Variants in MTSS1 observed in about 807,000 individuals in gnomAD.
MTSS1 encodes MTSS I-BAR domain containing 1.
Under a neutral mutation model 79.0 loss-of-function variants are expected in MTSS1, and 18 were observed. The observed-to-expected ratio is 0.23, with a 90% CI of 0.16 to 0.34. The LOEUF (loss-of-function observed/expected upper bound fraction) is 0.34. Ranked by LOEUF, MTSS1 falls within the 10% of genes least tolerant of loss-of-function variation. The pLI is 1.00. For missense variants in MTSS1, 815 were observed against 986.2 expected, an observed-to-expected ratio of 0.83 and a Z score of 2.33; for synonymous variants, 341 against 368.6, an observed-to-expected ratio of 0.93 and a Z score of 0.86.
intron 3 of MTSS1, chr8:124,699,011 A>G (rs1358833917): frequency 2.6e-5 from 4 of 153,838 alleles, no homozygotes; most frequent in Non-Finnish European, 5.8e-5. Context: ...GGCTTCAGAC[A>G]TGAATAAGTC....
intron 3 of MTSS1, among the ~76,000 whole-genome samples, chr8:124,620,037 C>T (rs551160552): frequency 6.6e-6 from 1 of 152,108 alleles, no homozygotes; most frequent in African/African-American, 2.4e-5. Flanking sequence ...CTGCAACCTC[C>T]GCCTCCCGGG....
chr8:124,688,722 GCTGTGTCCTCCTTGAACTCCCTCACC>G (rs1827439683), intron 3 of MTSS1, among the ~76,000 whole-genome samples: 1 of 152,040 alleles, frequency 6.6e-6, no homozygotes, highest in South Asian at 2.1e-4. Flanking sequence ...CACAACCTAT[GCTGTGTCCTCCTTGAACTCCCTCACC>G]ATGAAACCAA....
At chr8:124,688,050 C>T (rs144090253) in intron 3 of MTSS1, among the ~76,000 whole-genome samples, 1 of 152,230 alleles carries the variant, frequency 6.6e-6, no homozygotes, top group Non-Finnish European at 1.5e-5. Context: ...TGGGCCCTAG[C>T]ACACACAGCA....
chr8:124,598,823 T>A (rs929731230), intron 3 of MTSS1, among the ~76,000 whole-genome samples: 1 of 152,098 alleles, frequency 6.6e-6, no homozygotes, highest in Non-Finnish European at 1.5e-5. Flanking sequence ...AATACCCAAA[T>A]AACTAGGAGA....
intron 3 of MTSS1, among the ~76,000 whole-genome samples, chr8:124,659,727 C>T (rs1285565631): frequency 1.3e-5 from 2 of 152,192 alleles, no homozygotes; most frequent in Non-Finnish European, 2.9e-5. Context: ...ATCCTGGATT[C>T]TCTACTCAAG....
chr8:124,600,138 T>C (rs1833543574), intron 3 of MTSS1, among the ~76,000 whole-genome samples: 1 of 152,186 alleles, frequency 6.6e-6, no homozygotes, highest in Admixed American at 6.5e-5. Context: ...ATCTGTGATT[T>C]CCATGTCGGG....
At chr8:124,602,207 A>ATACACACACATATATATATATATAT in intron 3 of MTSS1, among the ~76,000 whole-genome samples, 1 of 142,222 alleles carries the variant, frequency 7.0e-6, no homozygotes, top group African/African-American at 2.7e-5. Flanking sequence ...ATATATATAT[A>ATACACACACATATATATATATATAT]ATTTTTTTTT....
chr8:124,697,091 A>G (rs1278542084), intron 3 of MTSS1, among the ~76,000 whole-genome samples: 1 of 152,134 alleles, frequency 6.6e-6, no homozygotes, highest in Non-Finnish European at 1.5e-5. Context: ...TCAGAATCCC[A>G]GGTTCCCACT....
rs571997365 is a variant in MTSS1, at chr8:124,628,300, C to T, written c.209-37065G>A. 2.0e-5 allele frequency among the ~76,000 whole-genome samples: 3 copies of T among 152,288 alleles called. No individual in the cohort carries two copies. The East Asian group carries it at 5.8e-4, about 29-fold the overall frequency. On this transcript the variant is annotated intron_variant, in intron 3 of 13. Coordinates refer to ENST00000518547, the MANE Select transcript of MTSS1 (RefSeq NM_014751.6). ...GCTGCGAGTCTGAGCTCCAAGACAT[C>T]AGCCGCGTCAGTCTTATCATCCGAC...
At position 124,591,241 on chromosome 8, in the gene MTSS1, A is replaced by G; in HGVS notation, c.209-6T>C. ...TCCAATCTCCCTGGTCCCACCTGAA[A>G]AAGCAACAGAGGCAAAGGTGAGGGA... is the stretch of plus-strand genomic sequence containing the variant. On this transcript the variant is annotated splice_polypyrimidine_tract_variant and splice_region_variant and intron_variant, in intron 3 of 13. Coordinates refer to ENST00000518547, the MANE Select transcript of MTSS1 (RefSeq NM_014751.6). 1 of 1,613,488 alleles carries G rather than the reference A, an allele frequency of 6.2e-7. No individual in the cohort carries two copies. The highest frequency in any genetic ancestry group is 1.3e-5 in the African/African-American group (1 of 74,922).
chr8:124,666,025 T>G (rs1422068914), intron 3 of MTSS1, among the ~76,000 whole-genome samples: 1 of 152,222 alleles, frequency 6.6e-6, no homozygotes, highest in Non-Finnish European at 1.5e-5. Flanking sequence ...TTCACAAAGC[T>G]GTTGTGAGAA....
intron 12 of MTSS1, 69 bp from the exon 13 acceptor site, chr8:124,555,973 C>G (rs761517636): frequency 6.3e-7 from 1 of 1,577,996 alleles, no homozygotes; most frequent in Admixed American, 1.8e-5. Context: ...CCTGTTCTGC[C>G]CCCGTGAGCA....
chr8:124,579,945 G>C (rs1829714811), intron 6 of MTSS1: 1 of 152,450 alleles, frequency 6.6e-6, no homozygotes, highest in Non-Finnish European at 1.5e-5. Flanking sequence ...TCAACATTCA[G>C]TCAAGAAGAA....
chr8:124,585,038 C>T, intron 6 of MTSS1, 49 bp downstream of exon 6: 1 of 1,501,438 alleles, frequency 6.7e-7, no homozygotes, highest in East Asian at 2.3e-5. Context: ...AAAAACAAAT[C>T]AAGTACTCCA....
chr8:124,655,492 A>C (rs1329577746), intron 3 of MTSS1, among the ~76,000 whole-genome samples: 1 of 152,196 alleles, frequency 6.6e-6, no homozygotes, highest in Non-Finnish European at 1.5e-5. Flanking sequence ...CACAGGTGAG[A>C]GTGATCAGAA....
chr8:124,660,664 G>A (rs1411998931), intron 3 of MTSS1, among the ~76,000 whole-genome samples: 1 of 152,188 alleles, frequency 6.6e-6, no homozygotes, highest in African/African-American at 2.4e-5. Context: ...TGGCTTAGTG[G>A]AGGAATCAGA....
chr8:124,727,829 G>A lies in MTSS1; in HGVS notation c.72+55C>T. ...CGGCCCGGGGTGGAGGCGAAGCGCG[G>A]CGGCGAGGTCAGAGCGCGGCGGCCG... is the stretch of plus-strand genomic sequence containing the variant. On this transcript the variant is annotated intron_variant, in intron 1 of 13. Coordinates refer to ENST00000518547, the MANE Select transcript of MTSS1 (RefSeq NM_014751.6). The surrounding 1 kb of genome is among the most constrained non-coding windows in gnomAD (Gnocchi z 4.7). 15 of 1,452,336 alleles carry A rather than the reference G, an allele frequency of 1.0e-5. No individual in the cohort carries two copies. The highest frequency in any genetic ancestry group is 1.4e-5 in the Non-Finnish European group (15 of 1,093,894). The allele number at this position is 1,452,336 out of a possible 1,614,324, so 90.0% of individuals were successfully genotyped here.
intron 3 of MTSS1, among the ~76,000 whole-genome samples, chr8:124,604,129 C>T (rs1834391132): frequency 6.6e-6 from 1 of 152,148 alleles, no homozygotes; most frequent in Non-Finnish European, 1.5e-5. Context: ...AGGAAAATCG[C>T]TTGGACCCGG....
intron 3 of MTSS1, among the ~76,000 whole-genome samples, chr8:124,660,500 T>C (rs1383322915): frequency 2.7e-5 from 4 of 145,960 alleles, no homozygotes; most frequent in African/African-American, 5.1e-5. Context: ...GGAGGCAAGA[T>C]CAAGGGGATA....
Sources: allele counts gnomAD v4.1 joint callset (sites outside exome capture counted in the v4.1 genomes callset), GRCh38; gene constraint gnomAD v4.1.1; non-coding constraint Gnocchi (gnomAD v3.1); transcripts MANE v1.5; gene names NCBI Gene and HGNC (gene_info 2026-07-23, HGNC 2026-07-21).